PCDH15: variants seen among roughly 807,000 people sequenced by gnomAD.
PCDH15 encodes the protein protocadherin-15.
PCDH15 carries 129 observed loss-of-function variants against 178.5 expected under a neutral mutation model. The observed-to-expected ratio is 0.72, with a 90% CI of 0.63 to 0.84. PCDH15 has a LOEUF of 0.84. Ranked by LOEUF, PCDH15 falls within the 40% of genes least tolerant of loss-of-function variation. The pLI, the probability that PCDH15 is intolerant of heterozygous loss-of-function variation, is 0.00. For synonymous variants in PCDH15, 800 were observed against 732.0 expected, an observed-to-expected ratio of 1.09 and a Z score of -1.50; for missense variants, 2,230 against 2,099.9, an observed-to-expected ratio of 1.06 and a Z score of -1.21.
chr10:55,499,659 T>A (rs1181890466), intron 2 of PCDH15, among the ~76,000 whole-genome samples: 1 of 151,738 alleles, frequency 6.6e-6, no homozygotes, highest in Non-Finnish European at 1.5e-5. Flanking sequence ...CTAGTATTTG[T>A]AGGAAAGTAG....
At position 53,816,259 on chromosome 10, in the gene PCDH15, G is replaced by A; in HGVS notation, c.4471C>T (p.Pro1491Ser). Residue 1491 changes from proline (P) to serine (S), a missense_variant, in exon 35 of 38, where the codon CCC (proline) becomes TCC (serine). Transcript: ENST00000644397. Reference protein sequence around the residue: ...YGSEQQQLLRPSLLKPEELSM... With the variant: ...YGSEQQQLLRSSLLKPEELSM... ...GATACCTCTGGTTTAAGAAGAGAGG[G>A]CCTCAGCAGTTGCTGTTGCTGTCAA... The A allele has an allele frequency of 2.5e-6, 1 of 398,780 alleles. No individual in the cohort carries two copies. Among genetic ancestry groups the A allele is most frequent in the Non-Finnish European group, 4.4e-6 (1 of 225,970 alleles). 24.7% of individuals were successfully genotyped at this position (398,780 alleles called of 1,614,324 possible).
At chr10:54,515,400 A>G (rs2082109434) in intron 3 of PCDH15, among the ~76,000 whole-genome samples, 1 of 152,180 alleles carries the variant, frequency 6.6e-6, no homozygotes, top group Admixed American at 6.5e-5. Context: ...CTGAGATCAA[A>G]CTGTAAGGCG....
At chr10:53,877,536 A>T (rs999032910) in intron 26 of PCDH15, among the ~76,000 whole-genome samples, 6 of 152,188 alleles carry the variant, frequency 3.9e-5, no homozygotes, top group Non-Finnish European at 8.8e-5. Flanking sequence ...TTCAAAGCAA[A>T]TTAAATAACA....
intron 3 of PCDH15, among the ~76,000 whole-genome samples, chr10:54,850,873 T>A (rs1348426002): frequency 6.6e-6 from 1 of 152,086 alleles, no homozygotes; most frequent in Non-Finnish European, 1.5e-5. Flanking sequence ...CTATATCAGA[T>A]GAAACACTAA....
chr10:54,344,113 A>G (rs1016084732), intron 6 of PCDH15, among the ~76,000 whole-genome samples: 3 of 152,206 alleles, frequency 2.0e-5, no homozygotes, highest in African/African-American at 7.2e-5. Context: ...TTTTATATGA[A>G]GTCTAAAAGT....
chr10:55,132,514 A>G (rs1838080305), intron 2 of PCDH15, among the ~76,000 whole-genome samples: 2 of 152,200 alleles, frequency 1.3e-5, no homozygotes, highest in Admixed American at 1.3e-4. Flanking sequence ...AAGTTCCTGC[A>G]AACTATTTAT....
intron 26 of PCDH15, among the ~76,000 whole-genome samples, chr10:53,887,378 C>A (rs895812329): frequency 1.3e-5 from 2 of 152,086 alleles, no homozygotes; most frequent in African/African-American, 4.8e-5. Flanking sequence ...CTAGCTTATC[C>A]CCTTTTGTCA....
Position 53,828,466 on chromosome 10 carries a change from T to G in PCDH15, c.4211+99A>C. The G allele has an allele frequency of 4.0e-6, 4 of 1,004,202 alleles. No individual in the cohort carries two copies. In the Admixed American group the frequency reaches 7.2e-5, roughly 18 times the overall value. 62.2% of individuals were successfully genotyped at this position (1,004,202 alleles called of 1,614,324 possible). A position where few individuals can be genotyped will look rare whatever the true frequency, so the allele number is the denominator to read the frequency against. ...CTATTACAAACGCAAAACAAGGGAA[T>G]AAGATGTGGTTCTGAGCAGGCTGAC... On this transcript the variant is annotated intron_variant, in intron 31 of 37. Transcript: ENST00000644397.
rs184197779 is a variant in PCDH15, at chr10:55,021,531, C to T, written c.-79-124031G>A. Among the ~76,000 whole-genome samples, 41 of 152,214 alleles carry T rather than the reference C, an allele frequency of 2.7e-4. 1 individual carries two copies. The highest frequency in any genetic ancestry group is 9.1e-4 in the African/African-American group (38 of 41,534). On this transcript the variant is annotated intron_variant, in intron 2 of 5. Coordinates refer to the PCDH15 transcript ENST00000458638. ...GTCTTTTTTGAAGGTTTTCTCAATC[C>T]TATTTTTCCCTGATTACCCCTGAAA...
chr10:54,030,004 C>A (rs1015010305), intron 18 of PCDH15, among the ~76,000 whole-genome samples: 1 of 152,092 alleles, frequency 6.6e-6, no homozygotes, highest in Non-Finnish European at 1.5e-5. Context: ...TACAATGATT[C>A]ATTTCCATTT....
intron 2 of PCDH15, among the ~76,000 whole-genome samples, chr10:55,071,924 G>C (rs1269090042): frequency 6.6e-6 from 1 of 152,082 alleles, no homozygotes; most frequent in African/African-American, 2.4e-5. Context: ...AATCAAACTA[G>C]AACTCAGGAT....
chr10:53,837,023 ATGAATCAG>A (rs947975626), intron 29 of PCDH15, among the ~76,000 whole-genome samples: 1 of 152,058 alleles, frequency 6.6e-6, no homozygotes, highest in Non-Finnish European at 1.5e-5. Flanking sequence ...GCTAACACAG[ATGAATCAG>A]TGAATTCAAA....
At chr10:54,672,902 G>A (rs2094702345) in intron 1 of PCDH15, among the ~76,000 whole-genome samples, 1 of 152,002 alleles carries the variant, frequency 6.6e-6, no homozygotes, top group Non-Finnish European at 1.5e-5. Flanking sequence ...TTAAATAATA[G>A]TCTTTTAAGT....
chr10:54,976,271 T>C (rs1839068272), intron 2 of PCDH15, among the ~76,000 whole-genome samples: 1 of 152,186 alleles, frequency 6.6e-6, no homozygotes, highest in African/African-American at 2.4e-5. Flanking sequence ...CTAGAACTAT[T>C]GTCTAATTGT....
chr10:54,695,507 T>TGGAA (rs964853132), intron 1 of PCDH15, among the ~76,000 whole-genome samples: 2 of 152,178 alleles, frequency 1.3e-5, no homozygotes, highest in Non-Finnish European at 2.9e-5. Context: ...AAAATTTAGC[T>TGGAA]AAGATCATTG....
chr10:55,623,549 C>T (rs1488236734), intron 2 of PCDH15, among the ~76,000 whole-genome samples: 2 of 151,696 alleles, frequency 1.3e-5, no homozygotes, highest in Admixed American at 6.6e-5. Flanking sequence ...ATTCTATGAA[C>T]ATAGGACAGG....
chr10:54,706,053 A>C (rs1003993210), intron 1 of PCDH15, among the ~76,000 whole-genome samples: 2 of 152,198 alleles, frequency 1.3e-5, no homozygotes, highest in Non-Finnish European at 2.9e-5. Flanking sequence ...GAATGCTCAG[A>C]TGTATAAAGC....
At chr10:54,382,846 T>G (rs555425566) in intron 3 of PCDH15, among the ~76,000 whole-genome samples, 1 of 152,196 alleles carries the variant, frequency 6.6e-6, no homozygotes, top group Admixed American at 6.5e-5. Context: ...AAATGTGTGT[T>G]GTTTTAAATT....
chr10:53,928,804 G>T (rs2133957151), intron 25 of PCDH15, among the ~76,000 whole-genome samples: 1 of 151,764 alleles, frequency 6.6e-6, no homozygotes, highest in South Asian at 2.1e-4. Flanking sequence ...CAAAATATTT[G>T]GCATTCAATG....
Sources: allele counts gnomAD v4.1 joint callset (sites outside exome capture counted in the v4.1 genomes callset), GRCh38; gene constraint gnomAD v4.1.1; transcripts MANE v1.5; gene names NCBI Gene and HGNC (gene_info 2026-07-23, HGNC 2026-07-21).